Variants in SPTA1 observed in about 807,000 individuals in gnomAD.
The protein encoded by SPTA1 is spectrin alpha chain, erythrocytic 1.
Under a neutral mutation model 324.7 loss-of-function variants are expected in SPTA1, and 177 were observed. The observed-to-expected ratio is 0.55, with a 90% CI of 0.48 to 0.62. SPTA1 has a LOEUF of 0.62. Ranked by LOEUF, SPTA1 falls within the 20% of genes least tolerant of loss-of-function variation. The pLI is 0.00. For synonymous variants in SPTA1, 1,195 were observed against 1,041.3 expected (o/e 1.15, Z -2.84); for missense variants, 3,162 against 2,883.6 (o/e 1.10, Z -2.21).
chr1:158,663,000 T>A, intron 16 of SPTA1, 55 bp from the exon 17 acceptor site: 1 of 1,609,846 alleles, frequency 6.2e-7, no homozygotes, highest in Non-Finnish European at 8.5e-7. Flanking sequence ...TAGGAAGTAA[T>A]AGGAGTTTGT....
At position 158,681,537 on chromosome 1, in the gene SPTA1, A is replaced by G. The variant is rs1221196778; in HGVS notation, c.521T>C (p.Ile174Thr). Reference sequence around the variant, plus strand: ...TTTTAAGTTCGATACCTTGTCTCCAATCCACTCTAAGATGTCAGCACACTC... The same window carrying G: ...TTTTAAGTTCGATACCTTGTCTCCAGTCCACTCTAAGATGTCAGCACACTC... ...VQECADILEW[I>T]GDKEAIATSV... is the part of the protein sequence containing the mutation. Residue 174 changes from isoleucine to threonine, a missense_variant, in exon 4 of 52, where the codon ATT (isoleucine) becomes ACT (threonine). By Grantham distance (89) the Ile-to-Thr change is moderately conservative. Transcript: ENST00000643759. 1.6e-5 allele frequency: 26 copies of G among 1,613,480 alleles called. No individual in the cohort carries two copies. The highest frequency in any genetic ancestry group is 2.0e-5 in the Non-Finnish European group (24 of 1,179,682).
intron 42 of SPTA1, among the ~76,000 whole-genome samples, chr1:158,624,662 AC>A (rs1248299175): frequency 1.3e-5 from 2 of 152,218 alleles, no homozygotes; most frequent in African/African-American, 4.8e-5. Context: ...ATAATGGGTA[AC>A]TGTCAGCCAG....
rs377396196 is a variant in SPTA1 at position 158,685,240 on chromosome 1, C to G, written c.132G>C (p.Glu44Asp). ...AGGAATCCTCAAGCTTCTGACCCCT[C>G]TCAGCGACCCGCTCCTTGAAACTTT... ...RYQSFKERVA[E>D]RGQKLEDSYH... The change falls in exon 2 of 52, where the codon GAG (glutamate) becomes GAC (aspartate). Residue 44 changes from glutamate (E) to aspartate (D), a missense_variant. Transcript: ENST00000643759. The G allele has an allele frequency of 1.2e-5, 20 of 1,613,694 alleles. No homozygotes were observed. The highest frequency in any genetic ancestry group is 1.7e-5 in the Admixed American group (1 of 59,932).
At position 158,619,293 on chromosome 1, in the gene SPTA1, G is replaced by A; in HGVS notation, c.6459C>T (p.Val2153=). Residue 2153 remains valine (V), a synonymous_variant, in exon 45 of 52, where the codon GTC becomes GTT. Coordinates refer to ENST00000643759, the MANE Select transcript of SPTA1 (RefSeq NM_003126.4). ...ACTCCTGACACATCTCAAAGTTCTT[G>A]ACCTGTCTTGCCTCTTCCTTTTGCA... The part of the protein sequence containing the change: ...QELQKEEARQ[V]KNFEMCQEFE... 1 of 1,614,090 alleles carries A rather than the reference G, an allele frequency of 6.2e-7. No individual in the cohort carries two copies.
chr1:158,633,108 C>A (rs947076577), intron 39 of SPTA1, among the ~76,000 whole-genome samples: 1 of 152,060 alleles, frequency 6.6e-6, no homozygotes. Flanking sequence ...TGTATAGCAG[C>A]GTGGAAATGA....
rs4279850 is a variant in SPTA1 at position 158,653,224 on chromosome 1, G to C, written c.3188+50C>G. 3,641 of 1,613,370 alleles carry C rather than the reference G, an allele frequency of 2.3e-3. 61 individuals are homozygous for C. The African/African-American group carries it at 0.042, about 19-fold the overall frequency. ...GGTCATGAGAAGAAATGCCTTTGGC[G>C]AAAAATGTCTGACCAAATACTGTTC... On this transcript the variant is annotated intron_variant, in intron 22 of 51. Coordinates refer to ENST00000643759, the MANE Select transcript of SPTA1 (RefSeq NM_003126.4).
chr1:158,680,058 T>C (rs1345886294), intron 5 of SPTA1, among the ~76,000 whole-genome samples: 1 of 152,026 alleles, frequency 6.6e-6, no homozygotes, highest in East Asian at 1.9e-4. Flanking sequence ...TGTAAACTTA[T>C]ATATATATAC....
intron 3 of SPTA1, among the ~76,000 whole-genome samples, chr1:158,682,233 A>G (rs1654865819): frequency 6.6e-6 from 1 of 152,216 alleles, no homozygotes; most frequent in Non-Finnish European, 1.5e-5. Context: ...TACCTGTCTT[A>G]TATAACTGAA....
At chr1:158,643,186 G>T in intron 31 of SPTA1, 136 bp downstream of exon 31, 1 of 1,220,406 alleles carries the variant, frequency 8.2e-7, no homozygotes, top group Non-Finnish European at 1.2e-6. Context: ...AAGTCAGAAA[G>T]TCTGCATAGG....
Position 158,685,324 on chromosome 1 carries a change from C to CT in SPTA1, c.47dup (p.Val17GlyfsTer28). 1 of 1,613,554 alleles carries CT rather than the reference C, an allele frequency of 6.2e-7. No homozygotes were observed. The highest frequency in any genetic ancestry group is 8.5e-7 in the Non-Finnish European group (1 of 1,179,778). On this transcript the variant is annotated frameshift_variant, in exon 2 of 52. Transcript: ENST00000643759. LOFTEE classifies it high-confidence loss of function. ...GGATCTCTTCTGCTGTTTCCAAAAC[C>CT]TTTGGCCCACTGCTCTCCACAACCT...
chr1:158,647,912 C>T (rs1192325841), intron 26 of SPTA1, among the ~76,000 whole-genome samples, 192 bp from the exon 27 acceptor site: 1 of 152,128 alleles, frequency 6.6e-6, no homozygotes, highest in East Asian at 1.9e-4. Flanking sequence ...ATTGGCATTA[C>T]CATACTTCTT....
At chr1:158,637,488 A>G (rs1369206329) in intron 36 of SPTA1, among the ~76,000 whole-genome samples, 12 of 152,230 alleles carry the variant, frequency 7.9e-5, no homozygotes, top group Non-Finnish European at 1.2e-4. Context: ...GGAATGAGTA[A>G]TGAAACCTTG....
chr1:158,630,422 T>C (rs1181237618), intron 39 of SPTA1, among the ~76,000 whole-genome samples: 1 of 152,096 alleles, frequency 6.6e-6, no homozygotes, highest in African/African-American at 2.4e-5. Flanking sequence ...CAAATAGTGC[T>C]GGGAAAACTG....
chr1:158,647,585 T>A lies in SPTA1; in HGVS notation c.3850A>T (p.Ser1284Cys). Residue 1284 changes from serine to cysteine, a missense_variant, in exon 27 of 52, where the codon AGC becomes TGC. Physicochemically the swap from Ser to Cys is moderately radical, Grantham distance 112 (BLOSUM62 -1). Coordinates refer to ENST00000643759, the MANE Select transcript of SPTA1 (RefSeq NM_003126.4). ...TAGAATTTCTGGGCCTCATTTAGGC[T>A]CTCCTTACGATCCTTTGTACGCCCC... ...LQGRTKDRKE[S>C]LNEAQKFYLF... The A allele has an allele frequency of 6.2e-7, 1 of 1,613,844 alleles. No individual in the cohort carries two copies. Among genetic ancestry groups the A allele is most frequent in the Non-Finnish European group, 8.5e-7 (1 of 1,179,900 alleles).
At chr1:158,636,537 G>T in intron 37 of SPTA1, 104 bp downstream of exon 37, 5 of 1,318,304 alleles carry the variant, frequency 3.8e-6, no homozygotes, top group South Asian at 2.4e-5. Context: ...CTCTGACCTT[G>T]ACATCCTATT....
rs766105379 is a variant in SPTA1 at position 158,677,577 on chromosome 1, T to G, written c.957+113A>C. Reference sequence around the variant, plus strand: ...TATTCAAGTGCACACAATTTCTTCTTCATTGAAAACAGTGAACTTATTGTG... The same window carrying G: ...TATTCAAGTGCACACAATTTCTTCTGCATTGAAAACAGTGAACTTATTGTG... On this transcript the variant is annotated intron_variant, in intron 7 of 51. Transcript: ENST00000643759. 11 of 1,315,370 alleles carry G rather than the reference T, an allele frequency of 8.4e-6. No individual in the cohort carries two copies. The Admixed American group carries it at 1.4e-4, about 16-fold the overall frequency. The allele number at this position is 1,315,370 out of a possible 1,614,324, so 81.5% of individuals were successfully genotyped here.
At position 158,611,401 on chromosome 1, in the gene SPTA1, A is replaced by G; in HGVS notation, c.7135-12T>C. The G allele has an allele frequency of 6.2e-7, 1 of 1,613,246 alleles. No individual in the cohort carries two copies. The highest frequency in any genetic ancestry group is 1.3e-5 in the African/African-American group (1 of 74,994). On this transcript the variant is annotated splice_polypyrimidine_tract_variant and intron_variant, in intron 51 of 51. Coordinates refer to ENST00000643759, the MANE Select transcript of SPTA1 (RefSeq NM_003126.4). ...TCTGGGGTAAGGGCCTGAAAAGTAT[A>G]AAAAGAGAAAAATACAGTTATAGGG...
intron 18 of SPTA1, among the ~76,000 whole-genome samples, chr1:158,659,820 C>T (rs1653089094): frequency 1.5e-5 from 1 of 65,110 alleles, no homozygotes. Context: ...CCTTGTTAGC[C>T]AGGATGGTCT....
chr1:158,686,166 A>T (rs142022878), intron 1 of SPTA1, among the ~76,000 whole-genome samples: 2 of 152,296 alleles, frequency 1.3e-5, no homozygotes, highest in Admixed American at 6.5e-5. Context: ...CCTAAGTATA[A>T]TTGCTACTCT....
Sources: gnomAD v4.1 joint callset for allele counts (sites outside exome capture counted in the v4.1 genomes callset) on GRCh38, gnomAD v4.1.1 for gene constraint, MANE v1.5 for transcripts, NCBI Gene and HGNC (gene_info 2026-07-23, HGNC 2026-07-21) for gene names.